LUZP2: variants seen among roughly 807,000 people sequenced by gnomAD.
LUZP2 encodes leucine zipper protein 2.
Under a neutral mutation model 51.6 loss-of-function variants are expected in LUZP2, and 52 were observed. The observed-to-expected ratio is 1.01, with a 90% CI of 0.81 to 1.27. The LOEUF (loss-of-function observed/expected upper bound fraction) is 1.27. Among genes scored for constraint, LUZP2 ranks in the 50% most tolerant of loss-of-function variants. The pLI, the probability that LUZP2 is intolerant of heterozygous loss-of-function variation, is 0.00. For synonymous variants in LUZP2, 154 were observed against 137.3 expected, an observed-to-expected ratio of 1.12 and a Z score of -0.85; for missense variants, 436 against 395.4, an observed-to-expected ratio of 1.10 and a Z score of -0.87.
intron 7 of LUZP2, among the ~76,000 whole-genome samples, chr11:24,962,179 C>T (rs541246806): frequency 8.5e-5 from 13 of 152,212 alleles, no homozygotes; most frequent in East Asian, 7.8e-4. Context: ...CTGCCCTTAA[C>T]ATTTTTTCCT....
At chr11:24,507,483 T>A (rs1181962178) in intron 1 of LUZP2, among the ~76,000 whole-genome samples, 1 of 152,114 alleles carries the variant, frequency 6.6e-6, no homozygotes, top group Non-Finnish European at 1.5e-5. Flanking sequence ...CCGCCTCACA[T>A]AGCTTTCTTT....
chr11:25,039,280 G>T (rs1422070096), intron 9 of LUZP2, among the ~76,000 whole-genome samples: 1 of 152,090 alleles, frequency 6.6e-6, no homozygotes, highest in Non-Finnish European at 1.5e-5. Context: ...GGTACACTGG[G>T]GGATGCAAAA....
intron 1 of LUZP2, among the ~76,000 whole-genome samples, chr11:24,514,987 G>T (rs1850419693): frequency 1.3e-5 from 2 of 152,190 alleles, no homozygotes; most frequent in Admixed American, 1.3e-4. Context: ...ACCAAAGGGT[G>T]TGGTGAACAA....
At chr11:24,963,373 G>T (rs201738357) in intron 7 of LUZP2, among the ~76,000 whole-genome samples, 7 of 151,856 alleles carry the variant, frequency 4.6e-5, no homozygotes, top group Admixed American at 6.6e-5. Flanking sequence ...CAGAGGTGGA[G>T]CCTACAGAGG....
intron 1 of LUZP2, among the ~76,000 whole-genome samples, chr11:24,538,212 A>C (rs879636093): frequency 1.3e-5 from 2 of 151,886 alleles, no homozygotes; most frequent in Non-Finnish European, 2.9e-5. Context: ...TTTTTCAACT[A>C]TTAAGATGAG....
chr11:24,558,887 A>G (rs773396244), intron 1 of LUZP2, among the ~76,000 whole-genome samples: 8 of 152,126 alleles, frequency 5.3e-5, no homozygotes, highest in South Asian at 2.1e-4. Flanking sequence ...TTGATCTTGG[A>G]ATTTCCAAAC....
intron 7 of LUZP2, among the ~76,000 whole-genome samples, chr11:24,933,015 A>G (rs995192052): frequency 1.3e-5 from 2 of 152,004 alleles, no homozygotes; most frequent in South Asian, 2.1e-4. Flanking sequence ...CCCTACCCCT[A>G]TATTTCACTC....
chr11:24,583,349 A>G lies in LUZP2; in HGVS notation c.62+86044A>G, dbSNP rs558416777. On this transcript the variant is annotated intron_variant, in intron 1 of 11. Transcript: ENST00000336930. ...TGTCCCTTTATTCTCTGCTAGGCCAATGGGCTCTGTTCTTTTTACACAGGG... is the reference window on the plus strand; with the variant it reads ...TGTCCCTTTATTCTCTGCTAGGCCAGTGGGCTCTGTTCTTTTTACACAGGG... Among the ~76,000 whole-genome samples the G allele has an allele frequency of 8.0e-4, 122 of 152,138 alleles. 1 individual carries two copies. The highest frequency in any genetic ancestry group is 1.1e-3 in the Non-Finnish European group (76 of 68,020).
chr11:24,843,250 AC>A (rs1261664279), intron 5 of LUZP2, among the ~76,000 whole-genome samples: 5 of 152,096 alleles, frequency 3.3e-5, no homozygotes, highest in Admixed American at 3.3e-4. Flanking sequence ...AGATAAAAAA[AC>A]AAAACAAAGT....
chr11:24,767,442 A>G (rs1860234962), intron 5 of LUZP2, among the ~76,000 whole-genome samples: 2 of 152,222 alleles, frequency 1.3e-5, no homozygotes, highest in African/African-American at 4.8e-5. Flanking sequence ...ATGTGACTAA[A>G]ATAGAAGTGA....
intron 10 of LUZP2, among the ~76,000 whole-genome samples, chr11:25,073,233 T>C (rs1469565679): frequency 1.3e-5 from 2 of 152,216 alleles, no homozygotes; most frequent in Non-Finnish European, 2.9e-5. Flanking sequence ...GTTTATCTTC[T>C]AACCTTCACT....
chr11:24,977,083 C>T (rs1164888230), intron 8 of LUZP2, among the ~76,000 whole-genome samples: 1 of 151,652 alleles, frequency 6.6e-6, no homozygotes, highest in African/African-American at 2.4e-5. Flanking sequence ...ATAATTTATA[C>T]TTATCTATAT....
chr11:24,646,414 A>G (rs564350165), intron 1 of LUZP2, among the ~76,000 whole-genome samples: 1 of 152,232 alleles, frequency 6.6e-6, no homozygotes, highest in South Asian at 2.1e-4. Flanking sequence ...ACAAGAAGTC[A>G]GGAGAAATAC....
intron 7 of LUZP2, among the ~76,000 whole-genome samples, chr11:24,916,164 G>A (rs965437289): frequency 6.6e-6 from 1 of 151,838 alleles, no homozygotes; most frequent in Non-Finnish European, 1.5e-5. Flanking sequence ...CTTGGAAGAG[G>A]CTTTTAGCTG....
At chr11:25,078,513 AT>A (rs779515811) in intron 11 of LUZP2, 40 bp from the exon 12 acceptor site, 1 of 1,501,734 alleles carries the variant, frequency 6.7e-7, no homozygotes, top group Non-Finnish European at 9.2e-7. Context: ...AAAATGTGTT[AT>A]TTTGATTCTT....
chr11:24,841,442 G>A (rs1176795349), intron 5 of LUZP2, among the ~76,000 whole-genome samples: 1 of 152,042 alleles, frequency 6.6e-6, no homozygotes, highest in Admixed American at 6.6e-5. Context: ...ACTAGGTCAG[G>A]TGGTAAGGGT....
At chr11:24,622,249 G>C (rs902974193) in intron 1 of LUZP2, among the ~76,000 whole-genome samples, 2 of 151,346 alleles carry the variant, frequency 1.3e-5, no homozygotes, top group African/African-American at 4.9e-5. Context: ...ATTTACATTA[G>C]GTATATCTCC....
intron 5 of LUZP2, among the ~76,000 whole-genome samples, chr11:24,769,432 A>C (rs1241677021): frequency 2.0e-5 from 3 of 152,214 alleles, no homozygotes; most frequent in Admixed American, 2.0e-4. Flanking sequence ...GAGGTGATAG[A>C]TATGCTGATT....
At chr11:24,590,458 T>A (rs1258102693) in intron 1 of LUZP2, among the ~76,000 whole-genome samples, 4 of 152,180 alleles carry the variant, frequency 2.6e-5, no homozygotes, top group Non-Finnish European at 5.9e-5. Flanking sequence ...TTTTGTTGCA[T>A]ATCCTCAATT....
Sources: gnomAD v4.1 joint callset for allele counts (sites outside exome capture counted in the v4.1 genomes callset) on GRCh38, gnomAD v4.1.1 for gene constraint, MANE v1.5 for transcripts, NCBI Gene and HGNC (gene_info 2026-07-23, HGNC 2026-07-21) for gene names.